Variants in CASZ1 observed in about 807,000 individuals in gnomAD.
CASZ1 encodes zinc finger protein castor homolog 1.
Under a neutral mutation model 135.2 loss-of-function variants are expected in CASZ1, and 28 were observed. The ratio of observed to expected loss-of-function variants is 0.21; its 90% CI spans 0.15 to 0.28. The LOEUF is 0.28. Among genes scored for constraint, CASZ1 ranks in the 10% least tolerant of loss-of-function variants. The probability of loss-of-function intolerance (pLI) is 1.00; values close to 1 mark genes in which losing one functional copy is unlikely to be tolerated. For missense variants in CASZ1, 2,161 were observed against 2,453.3 expected, an observed-to-expected ratio of 0.88 and a Z score of 2.52; for synonymous variants, 1,068 against 1,073.4, an observed-to-expected ratio of 0.99 and a Z score of 0.10.
At chr1:10,790,560 TCTC>T (rs773021436) in intron 1 of CASZ1, among the ~76,000 whole-genome samples, 1 of 152,186 alleles carries the variant, frequency 6.6e-6, no homozygotes, top group Non-Finnish European at 1.5e-5. Flanking sequence ...GGCCTTCTCT[TCTC>T]CTCTTCAGAA....
chr1:10,714,920 C>T (rs1639350125), intron 2 of CASZ1, among the ~76,000 whole-genome samples: 1 of 152,184 alleles, frequency 6.6e-6, no homozygotes, highest in African/African-American at 2.4e-5. Context: ...CCCCAAGCAG[C>T]CATGCCAGTC....
Position 10,755,211 on chromosome 1 carries a change from T to G in CASZ1, c.-77+5490A>C, listed in dbSNP as rs1038715494. Among the ~76,000 whole-genome samples the G allele has an allele frequency of 2.0e-5, 3 of 152,180 alleles. No individual in the cohort carries two copies. The highest frequency in any genetic ancestry group is 7.2e-5 in the African/African-American group (3 of 41,452). On this transcript the variant is annotated intron_variant, in intron 2 of 20. Transcript: ENST00000377022. The surrounding 1 kb of genome is among the most constrained non-coding windows in gnomAD (Gnocchi z 4.3). Reference sequence around the variant, plus strand: ...CCGCCTCATGCCTCAGGGTGGTGGCTCTGGGCCTAAGGGCCTTCACCTGGA... The same window carrying G: ...CCGCCTCATGCCTCAGGGTGGTGGCGCTGGGCCTAAGGGCCTTCACCTGGA...
intron 4 of CASZ1, among the ~76,000 whole-genome samples, chr1:10,675,848 G>A (rs548168155): frequency 6.7e-6 from 1 of 150,332 alleles, no homozygotes; most frequent in Non-Finnish European, 1.5e-5. Context: ...GGCCAGGTGG[G>A]TCCCCAGCGG....
Position 10,699,248 on chromosome 1 carries a change from C to G in CASZ1, c.-23-5336G>C, listed in dbSNP as rs1013019158. On this transcript the variant is annotated intron_variant, in intron 3 of 20. Transcript: ENST00000377022. The surrounding 1 kb of genome is among the most constrained non-coding windows in gnomAD (Gnocchi z 4.6). ...TCCTTCCCCTCTCCTGGGAAGTCAA[C>G]GGCCCTGAACTGGCCAGGAGGAACG... Among the ~76,000 whole-genome samples the G allele has an allele frequency of 1.3e-5, 2 of 152,228 alleles. No homozygotes were observed. Among genetic ancestry groups the G allele is most frequent in the Non-Finnish European group, 2.9e-5 (2 of 68,030 alleles).
rs1265254213 is a variant in CASZ1, at chr1:10,777,487, C to T, written c.-233-16630G>A. Among the ~76,000 whole-genome samples, 4 of 152,218 alleles carry T rather than the reference C, an allele frequency of 2.6e-5. No individual in the cohort carries two copies. Among genetic ancestry groups the T allele is most frequent in the African/African-American group, 9.7e-5 (4 of 41,450 alleles). ...CGGATCCGGCCAGAGCACAGTCTCA[C>T]TCAGGGTAGGCCTGGGGCAGGGGAC... On this transcript the variant is annotated intron_variant, in intron 1 of 20. Coordinates refer to ENST00000377022, the MANE Select transcript of CASZ1 (RefSeq NM_001079843.3). The surrounding 1 kb of genome is among the most constrained non-coding windows in gnomAD (Gnocchi z 4.4).
At chr1:10,690,671 A>T (rs936960578) in intron 4 of CASZ1, among the ~76,000 whole-genome samples, 9 of 151,252 alleles carry the variant, frequency 6.0e-5, no homozygotes, top group Non-Finnish European at 1.2e-4. Context: ...ACTGTCCCTC[A>T]CCGGCACCCC....
chr1:10,688,980 TGAG>T (rs900928559), intron 4 of CASZ1, among the ~76,000 whole-genome samples: 11 of 151,430 alleles, frequency 7.3e-5, no homozygotes, highest in Non-Finnish European at 1.3e-4. Flanking sequence ...CCTCTGAAGA[TGAG>T]GAGGAGAAGG....
intron 2 of CASZ1, among the ~76,000 whole-genome samples, chr1:10,714,157 A>T (rs1041079688): frequency 1.3e-5 from 2 of 151,914 alleles, no homozygotes; most frequent in African/African-American, 2.4e-5. Context: ...AAATACAAAA[A>T]TTAGCCGGTG....
At chr1:10,662,633 TAA>T (rs1412275401) in intron 5 of CASZ1, among the ~76,000 whole-genome samples, 1 of 149,788 alleles carries the variant, frequency 6.7e-6, no homozygotes, top group Non-Finnish European at 1.5e-5. Flanking sequence ...CGCAGTCACA[TAA>T]AACTCATATA....
chr1:10,719,245 C>A lies in CASZ1; in HGVS notation c.-76-13701G>T, dbSNP rs529363921. On this transcript the variant is annotated intron_variant, in intron 2 of 20. Transcript: ENST00000377022. The surrounding 1 kb of genome is among the most constrained non-coding windows in gnomAD (Gnocchi z 4.0). Reference sequence around the variant, plus strand: ...GTGCCCCTTTCTTGTAAGGGGAGAGCCTGAGGTTCGGAGAAGGGAGGTCTG... The same window carrying A: ...GTGCCCCTTTCTTGTAAGGGGAGAGACTGAGGTTCGGAGAAGGGAGGTCTG... Among the ~76,000 whole-genome samples the A allele has an allele frequency of 1.3e-5, 2 of 152,300 alleles. No homozygotes were observed. The highest frequency in any genetic ancestry group is 4.8e-5 in the African/African-American group (2 of 41,570).
At chr1:10,743,471 C>T (rs78555220) in intron 2 of CASZ1, among the ~76,000 whole-genome samples, 23,449 of 151,584 alleles carry the variant, frequency 0.15, 1,990 homozygotes, top group South Asian at 0.31. Flanking sequence ...AAGTGTACCC[C>T]GGCATCCTCC....
In CASZ1 at chr1:10,656,475, G is replaced by A. The variant is rs117706444; in HGVS notation, c.1500+171C>T. Among the ~76,000 whole-genome samples the A allele has an allele frequency of 3.8e-4, 58 of 152,238 alleles. No individual in the cohort carries two copies. In the East Asian group the frequency reaches 0.011, roughly 29 times the overall value. On this transcript the variant is annotated intron_variant, in intron 8 of 20. Coordinates refer to ENST00000377022, the MANE Select transcript of CASZ1 (RefSeq NM_001079843.3). The stretch of plus-strand genomic sequence containing the variant: ...AGGAGCTGCTCTGTCGGCAGGAATC[G>A]GGGAATGTGGGCAGGCTGGTGGTTT...
chr1:10,647,574 C>T lies in CASZ1; in HGVS notation c.3497+227G>A. On this transcript the variant is annotated intron_variant, in intron 16 of 20. Coordinates refer to ENST00000377022, the MANE Select transcript of CASZ1 (RefSeq NM_001079843.3). The surrounding 1 kb of genome is among the most constrained non-coding windows in gnomAD (Gnocchi z 4.9). Reference sequence around the variant, plus strand: ...ACATGCCCTGCAGGAGCAGTAGCCACTGCCGCCACCATCGGCCCACGCGGG... The same window carrying T: ...ACATGCCCTGCAGGAGCAGTAGCCATTGCCGCCACCATCGGCCCACGCGGG... 1 of 1,415,566 alleles carries T rather than the reference C, an allele frequency of 7.1e-7. No homozygotes were observed. The highest frequency in any genetic ancestry group is 1.5e-5 in the South Asian group (1 of 66,946). 87.7% of individuals were successfully genotyped at this position (1,415,566 alleles called of 1,614,324 possible). A position where few individuals can be genotyped will look rare whatever the true frequency, so the allele number is the denominator to read the frequency against.
In CASZ1 at chr1:10,735,920, T is replaced by C. The variant is rs1316918136; in HGVS notation, c.-77+24781A>G. Among the ~76,000 whole-genome samples, 5 of 152,234 alleles carry C rather than the reference T, an allele frequency of 3.3e-5. No homozygotes were observed. The East Asian group carries it at 9.7e-4, about 29-fold the overall frequency. ...GCTTTTTCAGCCAGCTCTGGTCAAG[T>C]AGCTGCCCTGCGGACACCACTCTCT... On this transcript the variant is annotated intron_variant, in intron 2 of 20. Transcript: ENST00000377022. This position sits in a 1 kb window ranked among gnomAD's most constrained non-coding sequence, Gnocchi z 5.1.
intron 1 of CASZ1, among the ~76,000 whole-genome samples, chr1:10,775,344 C>T (rs1010309476): frequency 1.3e-5 from 2 of 152,188 alleles, no homozygotes; most frequent in Admixed American, 1.3e-4. Flanking sequence ...CCAGTTCCCT[C>T]AGGTTCAGAC....
chr1:10,649,187 C>T lies in CASZ1; in HGVS notation c.3041G>A (p.Gly1014Asp). 3 of 1,613,556 alleles carry T rather than the reference C, an allele frequency of 1.9e-6. No individual in the cohort carries two copies. In the East Asian group the frequency reaches 6.7e-5, roughly 36 times the overall value. The change falls in exon 15 of 21, where the codon GGT becomes GAT. Residue 1014 changes from glycine to aspartate, a missense_variant. This residue lies in a region of CASZ1 where 349 missense variants were observed against 460.8 expected (regional missense o/e 0.76). Coordinates refer to ENST00000377022, the MANE Select transcript of CASZ1 (RefSeq NM_001079843.3). ...EPWKVYLRRFGTKDFCDGQCD... is the reference protein window; with the variant it reads ...EPWKVYLRRFDTKDFCDGQCD... ...CTGGCCGTCACAGAAGTCCTTTGTA[C>T]CAAACCTAGCCAGAGGAGCTGGCGT...
At chr1:10,763,050 T>C (rs1019190660) in intron 1 of CASZ1, among the ~76,000 whole-genome samples, 2 of 152,152 alleles carry the variant, frequency 1.3e-5, no homozygotes, top group Admixed American at 1.3e-4. Context: ...ATTCCTGCCA[T>C]CCTCCAAGCC....
At chr1:10,714,263 G>A (rs926864687) in intron 2 of CASZ1, among the ~76,000 whole-genome samples, 1 of 152,104 alleles carries the variant, frequency 6.6e-6, no homozygotes, top group East Asian at 1.9e-4. Context: ...AGCCGAGATC[G>A]TGCCACTGCA....
intron 2 of CASZ1, among the ~76,000 whole-genome samples, chr1:10,737,566 C>T (rs919740931): frequency 6.6e-6 from 1 of 152,242 alleles, no homozygotes; most frequent in Non-Finnish European, 1.5e-5. Context: ...TTTGCATACC[C>T]TGAGATATCT....
Sources: allele counts gnomAD v4.1 joint callset (sites outside exome capture counted in the v4.1 genomes callset), GRCh38; gene constraint gnomAD v4.1.1; regional missense constraint gnomAD v4.1.1; non-coding constraint Gnocchi (gnomAD v3.1); transcripts MANE v1.5; gene names NCBI Gene and HGNC (gene_info 2026-07-23, HGNC 2026-07-21).